The following LSAMP variants were observed in gnomAD, a reference collection of about 807,000 sequenced individuals.
LSAMP encodes limbic system associated membrane protein.
Under a neutral mutation model 38.6 loss-of-function variants are expected in LSAMP, and 7 were observed. That is an observed-to-expected ratio of 0.18 (90% CI 0.10 to 0.34). LSAMP has a LOEUF of 0.34. Among genes scored for constraint, LSAMP ranks in the 10% least tolerant of loss-of-function variants. The pLI is 1.00. For missense variants in LSAMP, 313 were observed against 420.0 expected, an observed-to-expected ratio of 0.75 and a Z score of 2.23; for synonymous variants, 154 against 166.8, an observed-to-expected ratio of 0.92 and a Z score of 0.59.
At chr3:116,271,186 A>G (rs954987407) in intron 1 of LSAMP, among the ~76,000 whole-genome samples, 1 of 152,108 alleles carries the variant, frequency 6.6e-6, no homozygotes, top group Admixed American at 6.6e-5. Flanking sequence ...GCAACAGCTT[A>G]TTTTTAGTAT....
intron 3 of LSAMP, among the ~76,000 whole-genome samples, chr3:115,954,788 A>G (rs1478222719): frequency 6.6e-6 from 1 of 152,096 alleles, no homozygotes; most frequent in Non-Finnish European, 1.5e-5. Flanking sequence ...AAATAGCTCC[A>G]TTATTATTTA....
At chr3:116,382,623 G>A (rs2048575831) in intron 1 of LSAMP, among the ~76,000 whole-genome samples, 1 of 151,820 alleles carries the variant, frequency 6.6e-6, no homozygotes, top group South Asian at 2.1e-4. Flanking sequence ...CTGCACTTGT[G>A]CACATGTACC....
chr3:115,885,018 TA>T (rs1936415780), intron 3 of LSAMP, among the ~76,000 whole-genome samples: 1 of 151,972 alleles, frequency 6.6e-6, no homozygotes, highest in Non-Finnish European at 1.5e-5. Context: ...GTATATTAAA[TA>T]TATAAAATTG....
chr3:116,125,362 C>T (rs1708983826), intron 1 of LSAMP, among the ~76,000 whole-genome samples: 1 of 150,996 alleles, frequency 6.6e-6, no homozygotes, highest in Non-Finnish European at 1.5e-5. Context: ...ATAGCAGTTC[C>T]CCCACCCCCG....
At chr3:116,084,732 G>T (rs533408683) in intron 2 of LSAMP, among the ~76,000 whole-genome samples, 1 of 151,866 alleles carries the variant, frequency 6.6e-6, no homozygotes, top group East Asian at 1.9e-4. Flanking sequence ...TACTAAAATT[G>T]TGTAGAAATA....
At chr3:116,158,712 A>G (rs1010148395) in intron 1 of LSAMP, among the ~76,000 whole-genome samples, 3 of 152,158 alleles carry the variant, frequency 2.0e-5, no homozygotes, top group Admixed American at 6.5e-5. Flanking sequence ...ACACAAACAT[A>G]TGGAAAAACA....
intron 1 of LSAMP, among the ~76,000 whole-genome samples, chr3:116,367,097 G>A (rs576017214): frequency 1.3e-5 from 2 of 152,222 alleles, no homozygotes; most frequent in Admixed American, 6.5e-5. Flanking sequence ...ATTCCATAAC[G>A]ATCGATCAGA....
intron 1 of LSAMP, among the ~76,000 whole-genome samples, chr3:116,377,349 G>A (rs1333797365): frequency 6.6e-5 from 10 of 151,962 alleles, no homozygotes; most frequent in South Asian, 4.1e-4. Context: ...CTGTTCTTGC[G>A]TTAGTTTGCT....
At chr3:116,037,571 A>G (rs1348273667) in intron 2 of LSAMP, among the ~76,000 whole-genome samples, 1 of 152,162 alleles carries the variant, frequency 6.6e-6, no homozygotes. Context: ...GACAGACACA[A>G]GGATTAACTA....
chr3:116,196,227 G>A (rs1021771235), intron 1 of LSAMP, among the ~76,000 whole-genome samples: 4 of 152,142 alleles, frequency 2.6e-5, no homozygotes, highest in African/African-American at 9.7e-5. Flanking sequence ...CAAGGGGACA[G>A]ATTTTAATCC....
chr3:115,827,336 CTTTT>C (rs10712971), intron 6 of LSAMP, among the ~76,000 whole-genome samples: 1 of 136,854 alleles, frequency 7.3e-6, no homozygotes, highest in Admixed American at 7.3e-5. Context: ...TTTTCTACTG[CTTTT>C]TTTTTTTTTT....
At chr3:116,211,854 TA>T (rs1316994525) in intron 1 of LSAMP, among the ~76,000 whole-genome samples, 3 of 152,228 alleles carry the variant, frequency 2.0e-5, no homozygotes, top group Non-Finnish European at 4.4e-5. Context: ...TTCCAGCCCT[TA>T]GTTTTAGATA....
intron 1 of LSAMP, among the ~76,000 whole-genome samples, chr3:116,171,519 G>C (rs1346231990): frequency 6.6e-6 from 1 of 152,058 alleles, no homozygotes. Flanking sequence ...ACAACTGTAG[G>C]TGGCCCTACC....
chr3:116,320,841 C>T (rs554926123), intron 1 of LSAMP, among the ~76,000 whole-genome samples: 16 of 152,226 alleles, frequency 1.1e-4, no homozygotes, highest in South Asian at 6.2e-4. Flanking sequence ...TAAATTTACT[C>T]GCAACATTTT....
chr3:116,196,828 C>A (rs1307266902), intron 1 of LSAMP, among the ~76,000 whole-genome samples: 3 of 152,094 alleles, frequency 2.0e-5, no homozygotes, highest in Non-Finnish European at 4.4e-5. Flanking sequence ...GTTACCCTCC[C>A]ACCAGGCACT....
intron 1 of LSAMP, among the ~76,000 whole-genome samples, chr3:116,225,669 G>A (rs2046334593): frequency 6.6e-6 from 1 of 151,924 alleles, no homozygotes; most frequent in African/African-American, 2.4e-5. Flanking sequence ...TGACTAAAAT[G>A]CATCATCAAA....
chr3:115,869,834 T>C (rs2107390027), intron 3 of LSAMP, among the ~76,000 whole-genome samples: 1 of 152,224 alleles, frequency 6.6e-6, no homozygotes, highest in East Asian at 1.9e-4. Flanking sequence ...CAGACATTTA[T>C]AAGGATATGT....
At chr3:116,306,143 A>G (rs2047482871) in intron 1 of LSAMP, among the ~76,000 whole-genome samples, 1 of 152,030 alleles carries the variant, frequency 6.6e-6, no homozygotes, top group Admixed American at 6.6e-5. Flanking sequence ...AAGTAGGTAC[A>G]ATCTTTGTCC....
intron 1 of LSAMP, among the ~76,000 whole-genome samples, chr3:116,326,025 G>A (rs2047766725): frequency 6.6e-6 from 1 of 152,004 alleles, no homozygotes; most frequent in Non-Finnish European, 1.5e-5. Context: ...GAGGAGTGGG[G>A]GATTTTATTC....
Sources: allele counts gnomAD v4.1 joint callset (sites outside exome capture counted in the v4.1 genomes callset), GRCh38; gene constraint gnomAD v4.1.1; transcripts MANE v1.5; gene names NCBI Gene and HGNC (gene_info 2026-07-23, HGNC 2026-07-21).